STRIP2: variants seen among roughly 807,000 people sequenced by gnomAD.
STRIP2 encodes striatin-interacting protein 2.
Under a neutral mutation model 107.1 loss-of-function variants are expected in STRIP2, and 84 were observed. The ratio of observed to expected loss-of-function variants is 0.78; its 90% CI spans 0.66 to 0.94. The LOEUF is 0.94. STRIP2 is among the 40% of genes least tolerant of loss of function. The pLI, the probability that STRIP2 is intolerant of heterozygous loss-of-function variation, is 0.00. For synonymous variants in STRIP2, 394 were observed against 400.4 expected (o/e 0.98, Z 0.19); for missense variants, 888 against 1,034.2 (o/e 0.86, Z 1.94).
At chr7:129,443,978 C>A in intron 2 of STRIP2, 46 bp from the exon 3 acceptor site, 1 of 1,500,964 alleles carries the variant, frequency 6.7e-7, no homozygotes, top group Non-Finnish European at 9.3e-7. Context: ...TGGGCCTCTT[C>A]TTTAAGGATC....
intron 18 of STRIP2, among the ~76,000 whole-genome samples, chr7:129,476,180 C>G (rs1387663853): frequency 2.0e-5 from 3 of 149,220 alleles, no homozygotes; most frequent in Non-Finnish European, 4.5e-5. Flanking sequence ...GGGCGGCTGG[C>G]CGGGCGGGGG....
chr7:129,472,968 G>T (rs1798830325), intron 18 of STRIP2, among the ~76,000 whole-genome samples: 1 of 151,132 alleles, frequency 6.6e-6, no homozygotes, highest in Non-Finnish European at 1.5e-5. Context: ...TGTATTTTTA[G>T]TAGAGACAGG....
chr7:129,463,264 G>A (rs1798589638), intron 14 of STRIP2, among the ~76,000 whole-genome samples: 1 of 152,192 alleles, frequency 6.6e-6, no homozygotes, highest in Non-Finnish European at 1.5e-5. Flanking sequence ...ATAAGTTGGG[G>A]TCTCTACAGG....
chr7:129,458,382 C>G lies in STRIP2; in HGVS notation c.1206C>G (p.Pro402=). Residue 402 remains proline, a synonymous_variant, in exon 10 of 21, where the codon CCC becomes CCG. Coordinates refer to ENST00000249344, the MANE Select transcript of STRIP2 (RefSeq NM_020704.3). The surrounding 1 kb of genome is among the most constrained non-coding windows in gnomAD (Gnocchi z 4.6). ...LEQDPLVPPP[P]SQAPLSAERV... The stretch of plus-strand genomic sequence containing the variant: ...AGGACCCTCTGGTGCCACCTCCACC[C>G]TCACAGGCACCCCTCTCTGCTGAGC... 2 of 1,613,730 alleles carry G rather than the reference C, an allele frequency of 1.2e-6. No homozygotes were observed. The highest frequency in any genetic ancestry group is 1.7e-6 in the Non-Finnish European group (2 of 1,179,864).
chr7:129,434,553 G>A lies in STRIP2; in HGVS notation c.81G>A (p.Ala27=), dbSNP rs1377015371. The stretch of plus-strand genomic sequence containing the variant: ...ACGGCGGCGGCAAAGGGAAGCAGGC[G>A]GCGCCCAAGGGCCGCGAAGCGTTCC... ...NGNGGGKGKQ[A]APKGREAFRS... is the part of the protein sequence containing the mutation. The change falls in exon 1 of 21, where the codon GCG becomes GCA. Residue 27 remains alanine, a synonymous_variant. Coordinates refer to ENST00000249344, the MANE Select transcript of STRIP2 (RefSeq NM_020704.3). The A allele has an allele frequency of 2.0e-6, 3 of 1,517,838 alleles. No individual in the cohort carries two copies. The highest frequency in any genetic ancestry group is 1.4e-5 in the African/African-American group (1 of 70,364). 94.0% of individuals were successfully genotyped at this position (1,517,838 alleles called of 1,614,324 possible). A position where few individuals can be genotyped will look rare whatever the true frequency, so the allele number is the denominator to read the frequency against.
chr7:129,453,413 A>G (rs191214802), intron 5 of STRIP2, 66 bp downstream of exon 5: 48 of 1,596,158 alleles, frequency 3.0e-5, no homozygotes, highest in Middle Eastern at 2.0e-4. Context: ...CTCATGTTCT[A>G]TGCTGCTTCC....
rs1443665288 is a variant in STRIP2 at position 129,434,479 on chromosome 7, G to A, written c.7G>A (p.Asp3Asn). ...GGAGCCGCTGACCAGCAGCATGGAG[G>A]ACCCCGCCGCGCCTGGGACCGGGGG... MEDPAAPGTGGPP... is the reference protein window; with the variant it reads MENPAAPGTGGPP... Residue 3 changes from aspartate (D) to asparagine (N), a missense_variant, in exon 1 of 21, where the codon GAC becomes AAC. Asp to Asn is a conservative substitution (Grantham distance 23). Coordinates refer to ENST00000249344, the MANE Select transcript of STRIP2 (RefSeq NM_020704.3). 6.6e-7 allele frequency: 1 copy of A among 1,513,430 alleles called. No homozygotes were observed. The highest frequency in any genetic ancestry group is 1.4e-5 in the African/African-American group (1 of 70,216). 93.8% of individuals were successfully genotyped at this position (1,513,430 alleles called of 1,614,324 possible). A position where few individuals can be genotyped will look rare whatever the true frequency, so the allele number is the denominator to read the frequency against.
At chr7:129,435,537 G>C (rs1797712851) in intron 1 of STRIP2, among the ~76,000 whole-genome samples, 1 of 152,116 alleles carries the variant, frequency 6.6e-6, no homozygotes, top group Non-Finnish European at 1.5e-5. Flanking sequence ...CCAGACTTTG[G>C]AGTAGTCAGA....
At position 129,475,562 on chromosome 7, in the gene STRIP2, T is replaced by A. The variant is rs556315913; in HGVS notation, c.1944+4847T>A. Among the ~76,000 whole-genome samples the A allele has an allele frequency of 7.8e-3, 970 of 124,938 alleles. 20 individuals are homozygous for A. Among genetic ancestry groups the A allele is most frequent in the African/African-American group, 0.022 (844 of 37,722 alleles). 82.0% of individuals were successfully genotyped at this position (124,938 alleles called of 152,430 possible). A position where few individuals can be genotyped will look rare whatever the true frequency, so the allele number is the denominator to read the frequency against. On this transcript the variant is annotated intron_variant, in intron 18 of 20. Transcript: ENST00000249344. Reference sequence around the variant, plus strand: ...ATGACTCTTTTTTTTTCTTTTTTTTTTTTTTCTTTTTATTTTTTTTTATTG... The same window carrying A: ...ATGACTCTTTTTTTTTCTTTTTTTTATTTTTCTTTTTATTTTTTTTTATTG...
intron 18 of STRIP2, chr7:129,477,941 G>C: frequency 1.9e-6 from 1 of 520,660 alleles, no homozygotes; most frequent in South Asian, 1.4e-5. Context: ...GAAATTAAAT[G>C]GTGGCAGACA....
At chr7:129,447,044 A>C (rs535752683) in intron 3 of STRIP2, among the ~76,000 whole-genome samples, 1 of 152,316 alleles carries the variant, frequency 6.6e-6, no homozygotes, top group East Asian at 1.9e-4. Flanking sequence ...CTCCACTGTG[A>C]TTCATCTCTG....
chr7:129,447,036 C>A (rs1798056196), intron 3 of STRIP2, among the ~76,000 whole-genome samples: 1 of 152,186 alleles, frequency 6.6e-6, no homozygotes, highest in Non-Finnish European at 1.5e-5. Context: ...CTAAAGGCCT[C>A]CACTGTGATT....
chr7:129,443,092 G>A (rs544550376), intron 2 of STRIP2, among the ~76,000 whole-genome samples: 26 of 150,222 alleles, frequency 1.7e-4, no homozygotes, highest in Middle Eastern at 3.4e-3. Flanking sequence ...CCAGGCTGGA[G>A]TGCAGTGACA....
chr7:129,434,962 TAA>T (rs1797693557), intron 1 of STRIP2, among the ~76,000 whole-genome samples: 1 of 152,184 alleles, frequency 6.6e-6, no homozygotes, highest in Non-Finnish European at 1.5e-5. Context: ...GCGGAGAGGT[TAA>T]GTGACTGGCT....
At position 129,488,010 on chromosome 7, in the gene STRIP2, G is replaced by C. The variant is rs558686942; in HGVS notation, c.*2181G>C. ...TCCAATCACATCATTTTTTTCCACA[G>C]ACTTGCTGGGACTAGCTTTCAGGTA... On this transcript the variant is annotated 3_prime_UTR_variant, in exon 21 of 21. Coordinates refer to ENST00000249344, the MANE Select transcript of STRIP2 (RefSeq NM_020704.3). The C allele has an allele frequency of 6.6e-6, 1 of 152,194 alleles. No individual in the cohort carries two copies. The highest frequency in any genetic ancestry group is 2.4e-5 in the African/African-American group (1 of 41,540). 9.4% of individuals were successfully genotyped at this position (152,194 alleles called of 1,614,324 possible).
At chr7:129,434,700 G>A in intron 1 of STRIP2, 99 bp downstream of exon 1, 1 of 1,330,928 alleles carries the variant, frequency 7.5e-7, no homozygotes, top group East Asian at 3.0e-5. Flanking sequence ...CCCTCGGCGC[G>A]CTCGATCAGC....
rs1799252965 is a variant in STRIP2 at position 129,486,855 on chromosome 7, C to T, written c.*1026C>T. On this transcript the variant is annotated 3_prime_UTR_variant, in exon 21 of 21. Transcript: ENST00000249344. ...TGGAGATTTAGCAATACTGTCTCTA[C>T]TTAAAAGTATTGCACATTTCATTGA... The T allele has an allele frequency of 6.6e-6, 1 of 152,096 alleles. No individual in the cohort carries two copies. The highest frequency in any genetic ancestry group is 2.4e-5 in the African/African-American group (1 of 41,388). The allele number at this position is 152,096 out of a possible 1,614,324, so 9.4% of individuals were successfully genotyped here.
chr7:129,441,388 C>T (rs150521204), intron 2 of STRIP2, among the ~76,000 whole-genome samples: 2 of 152,272 alleles, frequency 1.3e-5, no homozygotes, highest in Non-Finnish European at 2.9e-5. Context: ...AAGAAAATTA[C>T]ACTTGGGCAC....
At chr7:129,467,312 C>A in intron 16 of STRIP2, 38 bp from the exon 17 acceptor site, 1 of 1,460,770 alleles carries the variant, frequency 6.8e-7, no homozygotes, top group Non-Finnish European at 9.6e-7. Flanking sequence ...CATTCTCCTC[C>A]AAATAAGCAG....
Sources: allele counts gnomAD v4.1 joint callset (sites outside exome capture counted in the v4.1 genomes callset), GRCh38; gene constraint gnomAD v4.1.1; non-coding constraint Gnocchi (gnomAD v3.1); transcripts MANE v1.5; gene names NCBI Gene and HGNC (gene_info 2026-07-23, HGNC 2026-07-21).